Variants in STYX observed in about 807,000 individuals in gnomAD.
STYX encodes the protein serine/threonine/tyrosine-interacting protein.
STYX carries 20 observed loss-of-function variants against 42.7 expected under a neutral mutation model. That is an observed-to-expected ratio of 0.47 (90% CI 0.33 to 0.68). STYX has a LOEUF of 0.68. Among genes scored for constraint, STYX ranks in the 30% least tolerant of loss-of-function variants. The pLI is 0.02. For missense variants in STYX, 226 were observed against 268.5 expected (o/e 0.84, Z 1.11); for synonymous variants, 78 against 81.9 (o/e 0.95, Z 0.26).
At chr14:52,755,305 T>G (rs1881818809) in intron 4 of STYX, among the ~76,000 whole-genome samples, 6 of 151,992 alleles carry the variant, frequency 3.9e-5, no homozygotes, top group Admixed American at 3.9e-4. Context: ...ATATTTTTAG[T>G]AGAGATGGGG....
chr14:52,757,660 G>T, intron 6 of STYX, 83 bp from the exon 7 acceptor site: 1 of 1,209,700 alleles, frequency 8.3e-7, no homozygotes. Context: ...AGTATATAAG[G>T]AGTTACTTTA....
chr14:52,747,147 T>C (rs1881425928), intron 3 of STYX, among the ~76,000 whole-genome samples: 1 of 152,212 alleles, frequency 6.6e-6, no homozygotes, highest in East Asian at 1.9e-4. Context: ...TCCGTATAGA[T>C]ATTCTACATA....
rs17620101 is a variant in STYX, at chr14:52,771,973, A to G, written c.*867A>G. On this transcript the variant is annotated 3_prime_UTR_variant, in exon 11 of 11. Coordinates refer to ENST00000354586, the MANE Select transcript of STYX (RefSeq NM_145251.4). ...GTCCAGCCCTTTTTTCCTTTGTCCAAAATGATTCTAAATAGAATCTAATAA... is the reference window on the plus strand; with the variant it reads ...GTCCAGCCCTTTTTTCCTTTGTCCAGAATGATTCTAAATAGAATCTAATAA... 1.3e-5 allele frequency: 2 copies of G among 152,494 alleles called. No homozygotes were observed. Among genetic ancestry groups the G allele is most frequent in the African/African-American group, 4.8e-5 (2 of 41,422 alleles). 9.4% of individuals were successfully genotyped at this position (152,494 alleles called of 1,614,324 possible).
chr14:52,762,812 G>A (rs562486846), intron 9 of STYX, among the ~76,000 whole-genome samples: 19 of 145,328 alleles, frequency 1.3e-4, no homozygotes, highest in Admixed American at 1.0e-3. Flanking sequence ...CAATAGACCA[G>A]TTCTCAGACA....
In STYX at chr14:52,772,857, G is replaced by A. The variant is rs531875579; in HGVS notation, c.*1751G>A. On this transcript the variant is annotated 3_prime_UTR_variant, in exon 11 of 11. Coordinates refer to ENST00000354586, the MANE Select transcript of STYX (RefSeq NM_145251.4). ...GTGAAAACAGCATATTGTTAATCTC[G>A]TTGTCGTCCAGTATTCTGCTTTGTG... 3 of 151,718 alleles carry A rather than the reference G, an allele frequency of 2.0e-5. No homozygotes were observed. Among genetic ancestry groups the A allele is most frequent in the South Asian group, 2.1e-4 (1 of 4,800 alleles). The allele number at this position is 151,718 out of a possible 1,614,324, so 9.4% of individuals were successfully genotyped here. A position where few individuals can be genotyped will look rare whatever the true frequency, so the allele number is the denominator to read the frequency against.
rs112134081 is a variant in STYX at position 52,773,315 on chromosome 14, GTATATA to G, written c.*2220_*2225del. On this transcript the variant is annotated 3_prime_UTR_variant, in exon 11 of 11. Transcript: ENST00000354586. Reference sequence around the variant, plus strand: ...TGTCATCATCTTGAGTACTCTGTGTGTATATATATATATATAGATAGATAGATTTTT... The same window carrying G: ...TGTCATCATCTTGAGTACTCTGTGTGTATATATATAGATAGATAGATTTTT... The G allele has an allele frequency of 2.9e-5, 4 of 137,344 alleles. No individual in the cohort carries two copies. Among genetic ancestry groups the G allele is most frequent in the African/African-American group, 5.2e-5 (2 of 38,170 alleles). The allele number at this position is 137,344 out of a possible 1,614,324, so 8.5% of individuals were successfully genotyped here. A position where few individuals can be genotyped will look rare whatever the true frequency, so the allele number is the denominator to read the frequency against.
intron 4 of STYX, among the ~76,000 whole-genome samples, chr14:52,751,734 G>A (rs557248891): frequency 1.3e-5 from 2 of 151,956 alleles, no homozygotes; most frequent in Non-Finnish European, 2.9e-5. Flanking sequence ...AGTATATTAC[G>A]CATGGTACAA....
At chr14:52,768,143 A>G (rs1352677488) in intron 9 of STYX, among the ~76,000 whole-genome samples, 4 of 152,186 alleles carry the variant, frequency 2.6e-5, no homozygotes, top group Non-Finnish European at 4.4e-5. Flanking sequence ...TCTGGCCCAC[A>G]GAGGAGTTAT....
At chr14:52,730,606 C>A (rs1169404658) in intron 1 of STYX, 75 bp downstream of exon 1, 1 of 1,522,230 alleles carries the variant, frequency 6.6e-7, no homozygotes, top group Non-Finnish European at 8.9e-7. Context: ...CAGTCCCCAA[C>A]CGTCTTAGCC....
chr14:52,771,889 T>C lies in STYX; in HGVS notation c.*783T>C, dbSNP rs1882525631. The C allele has an allele frequency of 6.6e-6, 1 of 152,556 alleles. No individual in the cohort carries two copies. The highest frequency in any genetic ancestry group is 1.9e-4 in the East Asian group (1 of 5,202). The allele number at this position is 152,556 out of a possible 1,614,324, so 9.5% of individuals were successfully genotyped here. A position where few individuals can be genotyped will look rare whatever the true frequency, so the allele number is the denominator to read the frequency against. On this transcript the variant is annotated 3_prime_UTR_variant, in exon 11 of 11. Coordinates refer to ENST00000354586, the MANE Select transcript of STYX (RefSeq NM_145251.4). Reference sequence around the variant, plus strand: ...GATAGTGTTAGATTTTCGAGTGACTTTCCTTTTTGCATTTTTTGGCAGTAA... The same window carrying C: ...GATAGTGTTAGATTTTCGAGTGACTCTCCTTTTTGCATTTTTTGGCAGTAA...
rs1043552898 is a variant in STYX, at chr14:52,730,361, C to T, written c.-114C>T. 3.3e-5 allele frequency: 35 copies of T among 1,054,074 alleles called. No homozygotes were observed. In the Middle Eastern group the frequency reaches 1.1e-3, roughly 32 times the overall value. The allele number at this position is 1,054,074 out of a possible 1,614,324, so 65.3% of individuals were successfully genotyped here. A position where few individuals can be genotyped will look rare whatever the true frequency, so the allele number is the denominator to read the frequency against. ...TGTTAGTTGTAATCCCGCCGCCCTC[C>T]TGTCAGCCCTCCGCTCCGCCGGCCC... is the stretch of plus-strand genomic sequence containing the variant. On this transcript the variant is annotated 5_prime_UTR_variant, in exon 1 of 11. Coordinates refer to ENST00000354586, the MANE Select transcript of STYX (RefSeq NM_145251.4).
In STYX at chr14:52,755,705, C is replaced by T. The variant is rs1422608848; in HGVS notation, c.243-846C>T. On this transcript the variant is annotated intron_variant, in intron 4 of 10. Transcript: ENST00000354586. ...CTAGTTTTTTTTTTTTTTTTTTTTCCCCTTTACTAAAGATGAGTTCAAACA... is the reference window on the plus strand; with the variant it reads ...CTAGTTTTTTTTTTTTTTTTTTTTCTCCTTTACTAAAGATGAGTTCAAACA... 2.4e-4 allele frequency among the ~76,000 whole-genome samples: 30 copies of T among 125,464 alleles called. No individual in the cohort carries two copies. The East Asian group carries it at 3.5e-3, about 15-fold the overall frequency. The allele number at this position is 125,464 out of a possible 152,430, so 82.3% of individuals were successfully genotyped here. A position where few individuals can be genotyped will look rare whatever the true frequency, so the allele number is the denominator to read the frequency against.
chr14:52,731,949 C>CTTT lies in STYX; in HGVS notation c.57+1431_57+1433dup, dbSNP rs11354417. On this transcript the variant is annotated intron_variant, in intron 1 of 10. Coordinates refer to ENST00000354586, the MANE Select transcript of STYX (RefSeq NM_145251.4). ...CTGGGACCATGCCGGGCTAATTTTT[C>CTTT]TTTTTTTTTTTTTTTGTAGCGATGG... Among the ~76,000 whole-genome samples the CTTT allele has an allele frequency of 2.9e-5, 4 of 136,318 alleles. No homozygotes were observed. The South Asian group carries it at 9.4e-4, about 32-fold the overall frequency. The allele number at this position is 136,318 out of a possible 152,430, so 89.4% of individuals were successfully genotyped here. A position where few individuals can be genotyped will look rare whatever the true frequency, so the allele number is the denominator to read the frequency against.
intron 4 of STYX, 31 bp downstream of exon 4, chr14:52,750,811 C>T (rs202086997): frequency 2.5e-4 from 344 of 1,401,722 alleles, no homozygotes; most frequent in Non-Finnish European, 3.2e-4. Flanking sequence ...TTGTAAAACA[C>T]TTAATGAAGT....
chr14:52,738,563 T>C (rs1386915187), intron 1 of STYX, among the ~76,000 whole-genome samples: 1 of 152,218 alleles, frequency 6.6e-6, no homozygotes, highest in Non-Finnish European at 1.5e-5. Flanking sequence ...TTGATAAAAT[T>C]GATACTTCAG....
At chr14:52,735,633 G>A (rs866806273) in intron 1 of STYX, among the ~76,000 whole-genome samples, 30 of 152,188 alleles carry the variant, frequency 2.0e-4, no homozygotes, top group African/African-American at 6.8e-4. Context: ...AGTGTCAAAT[G>A]GTCTTAAGTA....
At chr14:52,744,630 A>C (rs941239867) in intron 1 of STYX, among the ~76,000 whole-genome samples, 2 of 142,538 alleles carry the variant, frequency 1.4e-5, no homozygotes, top group African/African-American at 4.9e-5. Flanking sequence ...GAAGTAACAT[A>C]ACAATTCTGG....
intron 9 of STYX, among the ~76,000 whole-genome samples, chr14:52,761,439 A>T (rs1882090374): frequency 6.6e-6 from 1 of 152,012 alleles, no homozygotes; most frequent in African/African-American, 2.4e-5. Flanking sequence ...TTGAAATTTG[A>T]TAGATGTTTC....
intron 9 of STYX, among the ~76,000 whole-genome samples, chr14:52,766,313 T>C (rs1026004765): frequency 2.0e-5 from 3 of 152,128 alleles, no homozygotes; most frequent in African/African-American, 7.2e-5. Flanking sequence ...ATTACAGGCA[T>C]GTGCCACCAA....
Sources: allele counts gnomAD v4.1 joint callset (sites outside exome capture counted in the v4.1 genomes callset), GRCh38; gene constraint gnomAD v4.1.1; transcripts MANE v1.5; gene names NCBI Gene and HGNC (gene_info 2026-07-23, HGNC 2026-07-21).